Variants in CCDC180 observed in about 807,000 individuals in gnomAD.
The protein encoded by CCDC180 is coiled-coil domain containing 180.
A neutral mutation model predicts 209.2 loss-of-function variants in CCDC180; 154 were observed. The observed-to-expected ratio is 0.74, with a 90% confidence interval of 0.65 to 0.84. The LOEUF (loss-of-function observed/expected upper bound fraction) is 0.84, where lower values mean the gene tolerates loss of function less well. CCDC180 is among the 40% of genes least tolerant of loss of function. CCDC180 has a pLI of 0.00. For synonymous variants in CCDC180, 778 were observed against 749.1 expected, an observed-to-expected ratio of 1.04 and a Z score of -0.63; for missense variants, 1,874 against 1,997.3, an observed-to-expected ratio of 0.94 and a Z score of 1.18.
chr9:97,365,759 G>C lies in CCDC180; in HGVS notation c.4047+20G>C. Reference sequence around the variant, plus strand: ...GCAGAGGTGAGGACCACCACCCATGGCCTGTGCCTGCCCTGGAAACCACGC... The same window carrying C: ...GCAGAGGTGAGGACCACCACCCATGCCCTGTGCCTGCCCTGGAAACCACGC... On this transcript the variant is annotated intron_variant, in intron 30 of 36. Transcript: ENST00000529487. The C allele has an allele frequency of 5.6e-6, 9 of 1,611,444 alleles. No homozygotes were observed. Among genetic ancestry groups the C allele is most frequent in the Non-Finnish European group, 7.6e-6 (9 of 1,178,090 alleles).
At chr9:97,375,782 G>A in intron 36 of CCDC180, 193 bp downstream of exon 36, 1 of 657,434 alleles carries the variant, frequency 1.5e-6, no homozygotes, top group Non-Finnish European at 2.6e-6. Context: ...CATTAATGTG[G>A]GTCTGAGGCG....
rs372238576 is a variant in CCDC180, at chr9:97,326,571, C to T, written c.1563C>T (p.Leu521=). The T allele has an allele frequency of 6.2e-6, 10 of 1,612,342 alleles. No homozygotes were observed. The highest frequency in any genetic ancestry group is 2.2e-5 in the South Asian group (2 of 91,018). ...SLESQVQEAH[L]DRLLDQLRQQ... ...GCTTCCAGGTGCAGGAGGCCCACCT[C>T]GATAGGCTCTTGGACCAACTGAGGC... Residue 521 remains leucine, a synonymous_variant, in exon 15 of 37, where the codon CTC becomes CTT. Transcript: ENST00000529487.
intron 11 of CCDC180, among the ~76,000 whole-genome samples, chr9:97,322,593 A>G (rs978323668): frequency 6.6e-6 from 1 of 152,230 alleles, no homozygotes; most frequent in Non-Finnish European, 1.5e-5. Flanking sequence ...AAACCGAGTC[A>G]AGAATTAGGG....
chr9:97,353,995 CTTTT>C (rs33935021), intron 22 of CCDC180, among the ~76,000 whole-genome samples: 14 of 120,150 alleles, frequency 1.2e-4, no homozygotes, highest in Admixed American at 5.3e-4. Flanking sequence ...ATCTGGAATT[CTTTT>C]TTTTTTTTTT....
chr9:97,317,259 G>C, intron 9 of CCDC180, 31 bp downstream of exon 9: 1 of 1,502,448 alleles, frequency 6.7e-7, no homozygotes. Flanking sequence ...TCCTTCTCCA[G>C]CCCACCAGGG....
At chr9:97,368,120 C>A (rs562150113) in intron 31 of CCDC180, among the ~76,000 whole-genome samples, 14 of 152,292 alleles carry the variant, frequency 9.2e-5, no homozygotes, top group Middle Eastern at 3.4e-3. Flanking sequence ...GCTTGGCAGG[C>A]TAATGGGGGA....
intron 18 of CCDC180, among the ~76,000 whole-genome samples, chr9:97,333,061 G>A (rs1234924320): frequency 1.3e-5 from 2 of 152,012 alleles, no homozygotes; most frequent in Non-Finnish European, 1.5e-5. Context: ...GTTTGTTGAG[G>A]GTTTTTAACA....
intron 18 of CCDC180, among the ~76,000 whole-genome samples, chr9:97,334,047 C>A (rs1319214989): frequency 6.6e-6 from 1 of 151,882 alleles, no homozygotes; most frequent in Non-Finnish European, 1.5e-5. Context: ...GAAATAATAA[C>A]CCATATATGT....
Position 97,354,676 on chromosome 9 carries a change from T to G in CCDC180, c.3110T>G (p.Leu1037Arg). 2 of 1,614,224 alleles carry G rather than the reference T, an allele frequency of 1.2e-6. No homozygotes were observed. The highest frequency in any genetic ancestry group is 2.2e-5 in the East Asian group (1 of 44,876). The change falls in exon 23 of 37, where the codon CTC becomes CGC. Residue 1037 changes from leucine (L) to arginine (R), a missense_variant. Transcript: ENST00000529487. ...GAGTTGGTTGAAAGTGTCATCATGC[T>G]CAACATGGAGAAGTTGGAGAATGAG... is the stretch of plus-strand genomic sequence containing the variant. Reference protein sequence around the residue: ...RIELVESVIMLNMEKLENEYL... With the variant: ...RIELVESVIMRNMEKLENEYL...
intron 4 of CCDC180, among the ~76,000 whole-genome samples, 197 bp from the exon 5 acceptor site, chr9:97,313,039 A>G (rs76060679): frequency 1.3e-5 from 2 of 152,188 alleles, no homozygotes; most frequent in African/African-American, 4.8e-5. Flanking sequence ...TCTTAACTGT[A>G]TATCTGAGGC....
rs763855620 is a variant in CCDC180 at position 97,362,260 on chromosome 9, G to C, written c.3721G>C (p.Ala1241Pro). ...DKDPSQTGRG[A>P]WACGSRGSSE... ...AGATCCGTCCCAGACAGGTAGAGGC[G>C]CATGGGCCTGTGGGTCTCGGGGCAG... Residue 1241 changes from alanine to proline, a missense_variant, in exon 28 of 37, where the codon GCA becomes CCA. Transcript: ENST00000529487. 1 of 1,614,122 alleles carries C rather than the reference G, an allele frequency of 6.2e-7. No individual in the cohort carries two copies. Among genetic ancestry groups the C allele is most frequent in the Non-Finnish European group, 8.5e-7 (1 of 1,180,008 alleles).
intron 8 of CCDC180, among the ~76,000 whole-genome samples, chr9:97,315,453 A>C (rs1254753673): frequency 6.6e-6 from 1 of 151,674 alleles, no homozygotes; most frequent in African/African-American, 2.4e-5. Flanking sequence ...CTCTGTCCCC[A>C]CTGCTTTCCC....
intron 16 of CCDC180, among the ~76,000 whole-genome samples, chr9:97,328,659 CTGTCTCCACATATCCCAAACCCACCCA>C (rs1825634401): frequency 6.6e-6 from 1 of 152,104 alleles, no homozygotes; most frequent in Non-Finnish European, 1.5e-5. Context: ...TGGGACCCCT[CTGTCTCCACATATCCCAAACCCACCCA>C]TACCTCCAAT....
At chr9:97,347,692 A>G (rs1441188536) in intron 20 of CCDC180, 3 of 527,250 alleles carry the variant, frequency 5.7e-6, no homozygotes, top group African/African-American at 1.9e-5. Flanking sequence ...CTTCTGTGAG[A>G]TTTTTTTCTC....
Position 97,307,802 on chromosome 9 carries a change from C to T in CCDC180, c.-86C>T. 1 of 1,614,194 alleles carries T rather than the reference C, an allele frequency of 6.2e-7. No individual in the cohort carries two copies. The highest frequency in any genetic ancestry group is 1.3e-5 in the African/African-American group (1 of 75,058). On this transcript the variant is annotated 5_prime_UTR_variant, in exon 1 of 37. Transcript: ENST00000529487. ...CCTCCTGCTCGAGTTCAGAGCTCAT[C>T]TGAGGTTAGTTTCATCGTTTCGTTG... is the stretch of plus-strand genomic sequence containing the variant.
intron 15 of CCDC180, among the ~76,000 whole-genome samples, chr9:97,327,506 C>T (rs915268092): frequency 1.3e-5 from 2 of 152,142 alleles, no homozygotes; most frequent in African/African-American, 4.8e-5. Context: ...AAGCAGTTCT[C>T]TGTGAACTTT....
At chr9:97,372,370 A>T (rs1391178695) in intron 34 of CCDC180, 2 of 152,232 alleles carry the variant, frequency 1.3e-5, no homozygotes, top group African/African-American at 4.8e-5. Flanking sequence ...GCGTACATGG[A>T]TACCGCTGTC....
chr9:97,318,356 A>T, intron 9 of CCDC180, 107 bp from the exon 10 acceptor site: 1 of 1,285,942 alleles, frequency 7.8e-7, no homozygotes, highest in Non-Finnish European at 1.0e-6. Flanking sequence ...GGTGTTAGGG[A>T]AGGAGTGCTG....
chr9:97,328,022 A>G lies in CCDC180; in HGVS notation c.1664A>G (p.Tyr555Cys), dbSNP rs1197211195. The change falls in exon 16 of 37, where the codon TAT becomes TGT. Residue 555 changes from tyrosine to cysteine, a missense_variant and splice_region_variant. Tyr to Cys is a radical substitution (Grantham distance 194, BLOSUM62 -2). Coordinates refer to ENST00000529487, the MANE Select transcript of CCDC180 (RefSeq NM_020893.6). ...TGTCTTACCTACCTACCTCCCAGGTATGAATGTTTTCACACCCTCCTGACA... is the reference window on the plus strand; with the variant it reads ...TGTCTTACCTACCTACCTCCCAGGTGTGAATGTTTTCACACCCTCCTGACA... ...KDYLKNMKSR[Y>C]ECFHTLLTKE... 21 of 1,613,280 alleles carry G rather than the reference A, an allele frequency of 1.3e-5. No homozygotes were observed. In the Admixed American group the frequency reaches 3.5e-4, roughly 27 times the overall value.
Sources: allele counts gnomAD v4.1 joint callset (sites outside exome capture counted in the v4.1 genomes callset), GRCh38; gene constraint gnomAD v4.1.1; transcripts MANE v1.5; gene names NCBI Gene and HGNC (gene_info 2026-07-23, HGNC 2026-07-21).